The following CLCA4 variants were observed in gnomAD, a reference collection of about 807,000 sequenced individuals.
CLCA4 encodes the protein calcium-activated chloride channel regulator 4.
A neutral mutation model predicts 78.9 loss-of-function variants in CLCA4; 69 were observed. The observed-to-expected ratio is 0.87, with a 90% CI of 0.72 to 1.07. The LOEUF is 1.07. Ranked by LOEUF, CLCA4 falls within the 50% of genes least tolerant of loss-of-function variation. The probability of loss-of-function intolerance (pLI) is 0.00; values close to 1 mark genes in which losing one functional copy is unlikely to be tolerated. For synonymous variants in CLCA4, 362 were observed against 375.8 expected (o/e 0.96, Z 0.42); for missense variants, 1,133 against 1,095.8 (o/e 1.03, Z -0.48).
Position 86,575,325 on chromosome 1 carries a change from CT to C in CLCA4, c.1684-3del. ...GATACTTACTATATTTCTGTTGAAA[CT>C]TTTAGGTGGGCACTTGGGCATACAA... is the stretch of plus-strand genomic sequence containing the variant. On this transcript the variant is annotated splice_polypyrimidine_tract_variant and splice_region_variant and intron_variant, in intron 10 of 13. Coordinates refer to ENST00000370563, the MANE Select transcript of CLCA4 (RefSeq NM_012128.4). The C allele has an allele frequency of 6.2e-7, 1 of 1,609,346 alleles. No individual in the cohort carries two copies. The highest frequency in any genetic ancestry group is 8.5e-7 in the Non-Finnish European group (1 of 1,177,092).
In CLCA4 at chr1:86,579,946, A is replaced by G; in HGVS notation, c.2361A>G (p.Gln787=). ...CATGTAACTTTTTTTTCTCAGTTCA[A>G]CGTTATATCATAAGAATAAGTGCAA... is the stretch of plus-strand genomic sequence containing the variant. ...PGDNFDVGKV[Q]RYIIRISASI... The change falls in exon 14 of 14, where the codon CAA becomes CAG. Residue 787 remains glutamine (Q), a synonymous_variant. Transcript: ENST00000370563. The G allele has an allele frequency of 6.4e-7, 1 of 1,574,386 alleles. No individual in the cohort carries two copies. Among genetic ancestry groups the G allele is most frequent in the Non-Finnish European group, 8.6e-7 (1 of 1,159,208 alleles).
chr1:86,569,882 T>C (rs1440154193), intron 7 of CLCA4, among the ~76,000 whole-genome samples: 2 of 151,954 alleles, frequency 1.3e-5, no homozygotes, highest in East Asian at 3.9e-4. Flanking sequence ...ACATTGTAAA[T>C]GCTTGGTAAA....
rs754593758 is a variant in CLCA4, at chr1:86,567,630, T to C, written c.1161T>C (p.Ser387=). 6.2e-7 allele frequency: 1 copy of C among 1,610,920 alleles called. No individual in the cohort carries two copies. Among genetic ancestry groups the C allele is most frequent in the Non-Finnish European group, 8.5e-7 (1 of 1,178,412 alleles). Residue 387 remains serine, a synonymous_variant, in exon 7 of 14, where the codon TCT becomes TCC. Transcript: ENST00000370563. ...TYPLGGTSIC[S]GIKYAFQVIG... ...CTCTGGGAGGAACTTCCATCTGCTC[T>C]GGAATTAAATATGCATTTCAGGTGA...
chr1:86,574,555 T>C lies in CLCA4; in HGVS notation c.1483T>C (p.Leu495=), dbSNP rs746690681. The C allele has an allele frequency of 6.2e-7, 1 of 1,612,498 alleles. No homozygotes were observed. Residue 495 remains leucine, a synonymous_variant, in exon 10 of 14, where the codon TTA becomes CTA. Transcript: ENST00000370563. ...QKSLQLESKG[L]TLNSNAWMND... is the part of the protein sequence containing the mutation. ...ATTTAAACAGCTCGAAAGTAAGGGA[T>C]TAACACTGAATAGTAATGCCTGGAT...
Position 86,578,085 on chromosome 1 carries a change from T to C in CLCA4, c.2122+13T>C, listed in dbSNP as rs536704891. On this transcript the variant is annotated intron_variant, in intron 12 of 13. Coordinates refer to ENST00000370563, the MANE Select transcript of CLCA4 (RefSeq NM_012128.4). ...TGGGTAGTGAACGGTGAGTAACTCA[T>C]GATATTTATAATCCAGTGATAGTTT... 16 of 1,601,552 alleles carry C rather than the reference T, an allele frequency of 1.0e-5. No individual in the cohort carries two copies. In the East Asian group the frequency reaches 3.6e-4, roughly 36 times the overall value.
intron 12 of CLCA4, among the ~76,000 whole-genome samples, chr1:86,578,979 T>C (rs758579005): frequency 6.6e-6 from 1 of 152,028 alleles, no homozygotes; most frequent in Non-Finnish European, 1.5e-5. Flanking sequence ...ACTTGCAGCA[T>C]GGAGGGAGGG....
At chr1:86,548,028 G>C (rs1203019789) in intron 1 of CLCA4, among the ~76,000 whole-genome samples, 2 of 152,076 alleles carry the variant, frequency 1.3e-5, no homozygotes, top group African/African-American at 4.8e-5. Flanking sequence ...CCTCCATACT[G>C]TTTTCCATAA....
chr1:86,575,627 C>A (rs773816287), intron 11 of CLCA4, 28 bp downstream of exon 11: 1 of 1,596,354 alleles, frequency 6.3e-7, no homozygotes, highest in Non-Finnish European at 8.6e-7. Context: ...ATGAATAAGC[C>A]AATATTTTCC....
At chr1:86,573,031 C>G (rs141421055) in intron 9 of CLCA4, 1 of 309,982 alleles carries the variant, frequency 3.2e-6, no homozygotes, top group Non-Finnish European at 6.2e-6. Context: ...ATAAAGCACC[C>G]ATTTTTCAAT....
At chr1:86,556,245 T>C (rs1649837351) in intron 1 of CLCA4, among the ~76,000 whole-genome samples, 3 of 152,340 alleles carry the variant, frequency 2.0e-5, no homozygotes, top group African/African-American at 7.2e-5. Flanking sequence ...TTAAGTTGAA[T>C]AGGAGTGGTG....
At chr1:86,547,363 C>A in intron 1 of CLCA4, 85 bp downstream of exon 1, 1 of 1,060,286 alleles carries the variant, frequency 9.4e-7, no homozygotes, top group South Asian at 1.9e-5. Context: ...ATATTTATGG[C>A]ATACAAAGTA....
chr1:86,574,557 A>G lies in CLCA4; in HGVS notation c.1485A>G (p.Leu495=), dbSNP rs1650450322. 6.8e-6 allele frequency: 11 copies of G among 1,612,440 alleles called. No homozygotes were observed. The highest frequency in any genetic ancestry group is 1.7e-5 in the Admixed American group (1 of 59,886). ...TTAAACAGCTCGAAAGTAAGGGATTAACACTGAATAGTAATGCCTGGATGA... is the reference window on the plus strand; with the variant it reads ...TTAAACAGCTCGAAAGTAAGGGATTGACACTGAATAGTAATGCCTGGATGA... ...QKSLQLESKG[L]TLNSNAWMND... The change falls in exon 10 of 14, where the codon TTA becomes TTG. Residue 495 remains leucine (L), a synonymous_variant. Transcript: ENST00000370563.
intron 1 of CLCA4, among the ~76,000 whole-genome samples, chr1:86,553,544 C>G (rs1244033815): frequency 6.6e-6 from 1 of 152,206 alleles, no homozygotes; most frequent in African/African-American, 2.4e-5. Flanking sequence ...TGCTTCCCGC[C>G]GCTCAGGGAG....
intron 1 of CLCA4, chr1:86,553,022 C>T: frequency 1.6e-6 from 1 of 625,712 alleles, no homozygotes; most frequent in Non-Finnish European, 2.9e-6. Context: ...GGACGTGCCC[C>T]CTCCTGCTCC....
chr1:86,556,819 CTTTGTTTG>C (rs1002051120), intron 1 of CLCA4, among the ~76,000 whole-genome samples: 1 of 151,864 alleles, frequency 6.6e-6, no homozygotes, highest in African/African-American at 2.4e-5. Context: ...AGATCCTGGG[CTTTGTTTG>C]TTTGTTTGTT....
rs1028566560 is a variant in CLCA4, at chr1:86,561,445, A to G, written c.448+1087A>G. 3.3e-5 allele frequency among the ~76,000 whole-genome samples: 5 copies of G among 152,196 alleles called. No individual in the cohort carries two copies. The East Asian group carries it at 9.6e-4, about 29-fold the overall frequency. On this transcript the variant is annotated intron_variant, in intron 3 of 13. Coordinates refer to ENST00000370563, the MANE Select transcript of CLCA4 (RefSeq NM_012128.4). ...TTTGAAGAATGGTGAAGAAAATTATAAAACTAAGTGACATGATTATAACAA... is the reference window on the plus strand; with the variant it reads ...TTTGAAGAATGGTGAAGAAAATTATGAAACTAAGTGACATGATTATAACAA...
intron 1 of CLCA4, among the ~76,000 whole-genome samples, chr1:86,548,440 T>C (rs755620518): frequency 8.6e-5 from 13 of 151,960 alleles, no homozygotes; most frequent in Non-Finnish European, 1.8e-4. Context: ...CTGAACACTT[T>C]GGGAGGCCGA....
At chr1:86,556,831 G>C (rs1649863578) in intron 1 of CLCA4, among the ~76,000 whole-genome samples, 1 of 151,962 alleles carries the variant, frequency 6.6e-6, no homozygotes, top group African/African-American at 2.4e-5. Context: ...TTGTTTGTTT[G>C]TTTGTTGTTT....
Position 86,566,030 on chromosome 1 carries a change from C to G in CLCA4, c.954+10C>G, listed in dbSNP as rs1212079764. On this transcript the variant is annotated intron_variant, in intron 6 of 13. Transcript: ENST00000370563. The stretch of plus-strand genomic sequence containing the variant: ...GTCTGGAAGCATGGGGGTAAGATCA[C>G]TTTTTCTGGATATAGGGATGTAGGA... The G allele has an allele frequency of 6.2e-7, 1 of 1,606,068 alleles. No individual in the cohort carries two copies. Among genetic ancestry groups the G allele is most frequent in the East Asian group, 2.2e-5 (1 of 44,764 alleles).
Sources: allele counts gnomAD v4.1 joint callset (sites outside exome capture counted in the v4.1 genomes callset), GRCh38; gene constraint gnomAD v4.1.1; transcripts MANE v1.5; gene names NCBI Gene and HGNC (gene_info 2026-07-23, HGNC 2026-07-21).